Variants in DOCK3 observed in about 807,000 individuals in gnomAD.
The protein encoded by DOCK3 is dedicator of cytokinesis protein 3.
DOCK3 carries 60 observed loss-of-function variants against 265.6 expected under a neutral mutation model. The observed-to-expected ratio is 0.23, with a 90% CI of 0.18 to 0.28. DOCK3 has a LOEUF of 0.28. Among genes scored for constraint, DOCK3 ranks in the 10% least tolerant of loss-of-function variants. DOCK3 has a pLI of 1.00. For missense variants in DOCK3, 1,981 were observed against 2,594.3 expected, an observed-to-expected ratio of 0.76 and a Z score of 5.14; for synonymous variants, 881 against 938.0, an observed-to-expected ratio of 0.94 and a Z score of 1.11.
intron 10 of DOCK3, among the ~76,000 whole-genome samples, chr3:51,154,868 A>G (rs1355229681): frequency 1.3e-5 from 2 of 152,218 alleles, no homozygotes; most frequent in African/African-American, 2.4e-5. Flanking sequence ...ATTGCACATA[A>G]CATGCATGAT....
chr3:51,029,520 G>A (rs538429669), intron 5 of DOCK3, among the ~76,000 whole-genome samples: 1 of 152,344 alleles, frequency 6.6e-6, no homozygotes, highest in Admixed American at 6.5e-5. Context: ...CTGGGGAGGG[G>A]AACAGGGGGA....
intron 5 of DOCK3, among the ~76,000 whole-genome samples, chr3:50,995,249 A>G (rs971501681): frequency 5.3e-5 from 8 of 152,246 alleles, no homozygotes; most frequent in African/African-American, 1.4e-4. Context: ...AAAAGCCTAA[A>G]TTACAACTGT....
At chr3:50,970,948 A>AT (rs1559878922) in intron 5 of DOCK3, among the ~76,000 whole-genome samples, 3 of 51,754 alleles carry the variant, frequency 5.8e-5, no homozygotes, top group African/African-American at 8.7e-5. Flanking sequence ...TATATATATA[A>AT]TGTGTGTGTG....
chr3:51,353,382 C>T (rs954471886), intron 40 of DOCK3, among the ~76,000 whole-genome samples: 8 of 152,006 alleles, frequency 5.3e-5, no homozygotes, highest in African/African-American at 1.7e-4. Context: ...AAGGCTGAGG[C>T]GGGTGGATCA....
chr3:51,267,475 C>T (rs1447421859), intron 23 of DOCK3, among the ~76,000 whole-genome samples: 1 of 151,610 alleles, frequency 6.6e-6, no homozygotes, highest in African/African-American at 2.4e-5. Flanking sequence ...ACCTCCACCT[C>T]CCGTGTTCAA....
Position 51,227,334 on chromosome 3 carries a change from T to G in DOCK3, c.1429T>G (p.Phe477Val). The change falls in exon 16 of 53, where the codon TTT (phenylalanine) becomes GTT (valine). Residue 477 changes from phenylalanine to valine, a missense_variant. By Grantham distance (50) the Phe-to-Val change is conservative. Coordinates refer to ENST00000266037, the MANE Select transcript of DOCK3 (RefSeq NM_004947.5). ...GCCAAATAGGAGTTCCTACCACTCC[T>G]TTGTCCTCTACCACAGTAATAGTCC... ...GEPNRSSYHS[F>V]VLYHSNSPRW... The G allele has an allele frequency of 6.2e-7, 1 of 1,613,996 alleles. No homozygotes were observed. The highest frequency in any genetic ancestry group is 2.2e-5 in the East Asian group (1 of 44,872).
At chr3:50,841,023 C>G (rs976404614) in intron 2 of DOCK3, among the ~76,000 whole-genome samples, 3 of 152,128 alleles carry the variant, frequency 2.0e-5, no homozygotes, top group African/African-American at 7.2e-5. Context: ...CCTCTCCTAC[C>G]CATTGGAGCT....
rs1575940672 is a variant in DOCK3 at position 51,064,391 on chromosome 3, T to A, written c.316-57T>A. On this transcript the variant is annotated intron_variant, in intron 5 of 52. Transcript: ENST00000266037. ...ATAGTTTAACTATTTCTCTTTTTCT[T>A]TTCATTCCTTTTCCATGTCTCTTGT... 3.1e-6 allele frequency: 5 copies of A among 1,597,120 alleles called. No homozygotes were observed. The East Asian group carries it at 1.1e-4, about 36-fold the overall frequency.
At chr3:50,782,293 T>TTTA (rs1420566200) in intron 2 of DOCK3, among the ~76,000 whole-genome samples, 20 of 135,060 alleles carry the variant, frequency 1.5e-4, no homozygotes, top group Non-Finnish European at 2.8e-4. Flanking sequence ...CCTGTTATTT[T>TTTA]TTTTTTTTTT....
chr3:51,176,368 G>A (rs2086951786), intron 12 of DOCK3, among the ~76,000 whole-genome samples: 1 of 152,146 alleles, frequency 6.6e-6, no homozygotes, highest in Non-Finnish European at 1.5e-5. Context: ...TGTAATCCTA[G>A]CACTTTGGGA....
intron 5 of DOCK3, among the ~76,000 whole-genome samples, chr3:50,993,140 T>C (rs1317551232): frequency 6.6e-6 from 1 of 152,160 alleles, no homozygotes; most frequent in Admixed American, 6.5e-5. Flanking sequence ...ATTGTAGCCA[T>C]TGAGGCCCTA....
chr3:51,291,563 C>A (rs1432780741), intron 27 of DOCK3, among the ~76,000 whole-genome samples: 1 of 152,158 alleles, frequency 6.6e-6, no homozygotes, highest in Non-Finnish European at 1.5e-5. Context: ...GATTGGAAAT[C>A]TGAACAGACT....
chr3:50,968,795 G>A (rs1008526518), intron 5 of DOCK3, among the ~76,000 whole-genome samples: 2 of 152,090 alleles, frequency 1.3e-5, no homozygotes, highest in African/African-American at 2.4e-5. Context: ...AGTGATCCAC[G>A]TGCCTCGGCC....
chr3:51,259,305 A>G (rs1398517910), intron 22 of DOCK3, among the ~76,000 whole-genome samples: 2 of 152,118 alleles, frequency 1.3e-5, no homozygotes, highest in Non-Finnish European at 2.9e-5. Context: ...CCTGTTTTAT[A>G]TTTCAAGTAC....
chr3:51,301,868 G>A (rs1174542246), intron 27 of DOCK3, among the ~76,000 whole-genome samples: 3 of 152,094 alleles, frequency 2.0e-5, no homozygotes, highest in Non-Finnish European at 2.9e-5. Flanking sequence ...ATCAATTTTA[G>A]AGTAAGTGCC....
intron 5 of DOCK3, among the ~76,000 whole-genome samples, chr3:51,021,446 A>C (rs2079587843): frequency 6.6e-6 from 1 of 152,168 alleles, no homozygotes; most frequent in African/African-American, 2.4e-5. Context: ...ATTAATGTAG[A>C]TTCATAAGTT....
chr3:51,360,040 G>A (rs368392159), intron 46 of DOCK3, among the ~76,000 whole-genome samples: 12 of 152,272 alleles, frequency 7.9e-5, no homozygotes, highest in East Asian at 5.8e-4. Context: ...CTGTCTCCCC[G>A]TAGACTGTGT....
At chr3:50,822,803 A>G (rs2044521885) in intron 2 of DOCK3, among the ~76,000 whole-genome samples, 2 of 152,134 alleles carry the variant, frequency 1.3e-5, no homozygotes, top group Non-Finnish European at 1.5e-5. Flanking sequence ...CTTGGGTACC[A>G]TTTTCATTAA....
chr3:51,241,271 GTTTCTA>G (rs2078599193), intron 21 of DOCK3, among the ~76,000 whole-genome samples: 1 of 152,132 alleles, frequency 6.6e-6, no homozygotes, highest in African/African-American at 2.4e-5. Flanking sequence ...CTTCTTGCTT[GTTTCTA>G]CTGAGAGATC....
Sources: allele counts gnomAD v4.1 joint callset (sites outside exome capture counted in the v4.1 genomes callset), GRCh38; gene constraint gnomAD v4.1.1; transcripts MANE v1.5; gene names NCBI Gene and HGNC (gene_info 2026-07-23, HGNC 2026-07-21).